The following PTPRM variants were observed in gnomAD, a reference collection of about 807,000 sequenced individuals.
The protein encoded by PTPRM is protein tyrosine phosphatase receptor type M, also known as receptor-type tyrosine-protein phosphatase mu.
PTPRM carries 47 observed loss-of-function variants against 186.7 expected under a neutral mutation model. The ratio of observed to expected loss-of-function variants is 0.25; its 90% CI spans 0.20 to 0.32. The LOEUF (loss-of-function observed/expected upper bound fraction) is 0.32, where lower values mean the gene tolerates loss of function less well. PTPRM is among the 10% of genes least tolerant of loss of function. PTPRM has a pLI of 1.00. For synonymous variants in PTPRM, 668 were observed against 674.9 expected (o/e 0.99, Z 0.16); for missense variants, 1,494 against 1,865.0 (o/e 0.80, Z 3.66).
rs191098125 is a variant in PTPRM, at chr18:7,608,086, G to T, written c.73+40195G>T. Among the ~76,000 whole-genome samples, 24 of 152,304 alleles carry T rather than the reference G, an allele frequency of 1.6e-4. No individual in the cohort carries two copies. The East Asian group carries it at 4.5e-3, about 28-fold the overall frequency. ...TCAGACAAGATGCTGGGAAGGCAGC[G>T]TTCCTGGGAGAGGCATCAGGCTGAC... is the stretch of plus-strand genomic sequence containing the variant. On this transcript the variant is annotated intron_variant, in intron 1 of 32. Coordinates refer to ENST00000580170, the MANE Select transcript of PTPRM (RefSeq NM_001105244.2).
In PTPRM at chr18:7,842,841, T is replaced by TAGAGAG. The variant is rs375833450; in HGVS notation, c.197-45253_197-45248dup. Reference sequence around the variant, plus strand: ...GTATATATATATGTATATATATATATAGAGAGAGAGAGAGAGAAACATATA... The same window carrying TAGAGAG: ...GTATATATATATGTATATATATATATAGAGAGAGAGAGAGAGAGAGAGAAACATATA... On this transcript the variant is annotated intron_variant, in intron 2 of 32. Coordinates refer to ENST00000580170, the MANE Select transcript of PTPRM (RefSeq NM_001105244.2). Among the ~76,000 whole-genome samples, 301 of 134,524 alleles carry TAGAGAG rather than the reference T, an allele frequency of 2.2e-3. 6 individuals carry two copies. Among genetic ancestry groups the TAGAGAG allele is most frequent in the South Asian group, 7.4e-3 (31 of 4,182 alleles). 88.3% of individuals were successfully genotyped at this position (134,524 alleles called of 152,430 possible).
chr18:7,774,726 A>C (rs9946476), intron 2 of PTPRM, among the ~76,000 whole-genome samples: 16,500 of 152,164 alleles, frequency 0.11, 2,730 homozygotes, highest in African/African-American at 0.36. Context: ...AAGTTTTCTG[A>C]AGACAAAATG....
intron 2 of PTPRM, among the ~76,000 whole-genome samples, chr18:7,817,696 C>T (rs1423692229): frequency 6.6e-6 from 1 of 152,102 alleles, no homozygotes; most frequent in African/African-American, 2.4e-5. Context: ...TTTGCTGTAA[C>T]AGTATGATGG....
chr18:7,820,304 G>C (rs1166608087), intron 2 of PTPRM, among the ~76,000 whole-genome samples: 2 of 152,132 alleles, frequency 1.3e-5, no homozygotes, highest in African/African-American at 2.4e-5. Context: ...GATTGGTGAG[G>C]GCCTGCTCTG....
chr18:7,660,436 G>C (rs770383180), intron 1 of PTPRM, among the ~76,000 whole-genome samples: 12 of 152,188 alleles, frequency 7.9e-5, no homozygotes, highest in Non-Finnish European at 1.5e-4. Flanking sequence ...CTGAGAAGCT[G>C]AGTGTGATTA....
chr18:8,113,881 T>A (rs912183928), intron 12 of PTPRM, 122 bp downstream of exon 12: 2 of 1,042,696 alleles, frequency 1.9e-6, no homozygotes, highest in Admixed American at 5.4e-5. Flanking sequence ...TAAACAAATG[T>A]GATTTTCTTC....
intron 7 of PTPRM, among the ~76,000 whole-genome samples, chr18:8,033,764 T>G (rs2086151154): frequency 6.6e-6 from 1 of 152,250 alleles, no homozygotes; most frequent in Non-Finnish European, 1.5e-5. Flanking sequence ...AATTATGGAC[T>G]GATAACCTTT....
chr18:8,368,051 G>GTA (rs1416644096), intron 23 of PTPRM, among the ~76,000 whole-genome samples: 1 of 151,954 alleles, frequency 6.6e-6, no homozygotes, highest in African/African-American at 2.4e-5. Context: ...TTTTTAAAGT[G>GTA]TATATTTATT....
In PTPRM at chr18:8,102,418, C is replaced by T. The variant is rs184015607; in HGVS notation, c.1857-11068C>T. On this transcript the variant is annotated intron_variant, in intron 11 of 32. Coordinates refer to ENST00000580170, the MANE Select transcript of PTPRM (RefSeq NM_001105244.2). ...TCAATCCTCTCAAACCTTGTCAGTG[C>T]GTTATCAACTATGTTAATATAATAT... Among the ~76,000 whole-genome samples, 155 of 152,308 alleles carry T rather than the reference C, an allele frequency of 1.0e-3. 3 individuals are homozygous for T. In the East Asian group the frequency reaches 0.028, roughly 28 times the overall value.
intron 1 of PTPRM, among the ~76,000 whole-genome samples, chr18:7,608,697 C>T (rs143721805): frequency 5.9e-5 from 9 of 152,262 alleles, no homozygotes; most frequent in East Asian, 1.9e-4. Context: ...CCCATTCTTG[C>T]GTCCCATTCT....
chr18:7,997,736 C>G (rs1220463779), intron 7 of PTPRM, among the ~76,000 whole-genome samples: 2 of 152,120 alleles, frequency 1.3e-5, no homozygotes, highest in African/African-American at 4.8e-5. Flanking sequence ...GAACATTTCT[C>G]AAAAGCAGAC....
chr18:8,166,245 C>T (rs147965088), intron 14 of PTPRM, among the ~76,000 whole-genome samples: 114 of 152,292 alleles, frequency 7.5e-4, no homozygotes, highest in African/African-American at 2.7e-3. Context: ...ATGCGCTTTA[C>T]GTCATTACTG....
At chr18:8,236,937 T>C (rs1176228063) in intron 14 of PTPRM, among the ~76,000 whole-genome samples, 1 of 152,248 alleles carries the variant, frequency 6.6e-6, no homozygotes, top group Non-Finnish European at 1.5e-5. Context: ...GCTCTTATTC[T>C]TTCTTTGTTC....
intron 7 of PTPRM, among the ~76,000 whole-genome samples, chr18:8,063,196 A>G (rs2088744408): frequency 6.6e-6 from 1 of 151,242 alleles, no homozygotes; most frequent in African/African-American, 2.5e-5. Context: ...AAAGCGCAGT[A>G]TTCGGGTGGG....
At chr18:7,645,553 A>G (rs2038541148) in intron 1 of PTPRM, among the ~76,000 whole-genome samples, 2 of 152,232 alleles carry the variant, frequency 1.3e-5, no homozygotes, top group East Asian at 1.9e-4. Flanking sequence ...TGGTTGTTGC[A>G]AAGTATTAAA....
At chr18:7,622,574 A>G (rs2037966480) in intron 1 of PTPRM, among the ~76,000 whole-genome samples, 1 of 152,128 alleles carries the variant, frequency 6.6e-6, no homozygotes, top group Non-Finnish European at 1.5e-5. Context: ...TGGTGCTGAA[A>G]TTTGTTAGTC....
intron 1 of PTPRM, among the ~76,000 whole-genome samples, chr18:7,658,865 C>G (rs904787095): frequency 2.7e-5 from 4 of 150,068 alleles, no homozygotes; most frequent in African/African-American, 7.5e-5. Context: ...ACTGCTCTTA[C>G]CTCATTCATT....
At chr18:8,165,448 A>G (rs1201784736) in intron 14 of PTPRM, among the ~76,000 whole-genome samples, 1 of 152,206 alleles carries the variant, frequency 6.6e-6, no homozygotes, top group Non-Finnish European at 1.5e-5. Flanking sequence ...GCACAAAGCT[A>G]CATTTGAAGC....
intron 5 of PTPRM, among the ~76,000 whole-genome samples, chr18:7,939,240 C>T (rs887877735): frequency 6.6e-6 from 1 of 151,640 alleles, no homozygotes; most frequent in Admixed American, 6.6e-5. Flanking sequence ...CGTTTAATCC[C>T]CACCTGTATG....
Sources: gnomAD v4.1 joint callset for allele counts (sites outside exome capture counted in the v4.1 genomes callset) on GRCh38, gnomAD v4.1.1 for gene constraint, MANE v1.5 for transcripts, NCBI Gene and HGNC (gene_info 2026-07-23, HGNC 2026-07-21) for gene names.